Variants in CNKSR2 observed in about 807,000 individuals in gnomAD.
CNKSR2 encodes the protein CNK homolog protein 2.
A neutral mutation model predicts 84.4 loss-of-function variants in CNKSR2; 14 were observed. The observed-to-expected ratio is 0.17, with a 90% confidence interval of 0.11 to 0.26. The LOEUF is 0.26. Ranked by LOEUF, CNKSR2 falls within the 10% of genes least tolerant of loss-of-function variation. The pLI is 1.00. For synonymous variants in CNKSR2, 275 were observed against 277.9 expected, an observed-to-expected ratio of 0.99 and a Z score of 0.10; for missense variants, 485 against 771.2, an observed-to-expected ratio of 0.63 and a Z score of 4.40.
At chrX:21,535,524 AT>A (rs1021972268) in intron 11 of CNKSR2, among the ~76,000 whole-genome samples, 3 of 110,856 alleles carry the variant, frequency 2.7e-5, no homozygotes, top group African/African-American at 9.8e-5. Context: ...ATGTCTTTCC[AT>A]TTTTTGTGTT....
chrX:21,465,232 T>G (rs1339377918), intron 4 of CNKSR2, among the ~76,000 whole-genome samples: 2 of 111,736 alleles, frequency 1.8e-5, no homozygotes, highest in Non-Finnish European at 3.8e-5. Context: ...TTTTCTCCCC[T>G]CCTACTTAAT....
At chrX:21,400,500 A>G (rs1414197606) in intron 1 of CNKSR2, among the ~76,000 whole-genome samples, 2 of 111,575 alleles carry the variant, frequency 1.8e-5, no homozygotes, top group Non-Finnish European at 3.8e-5. Context: ...ACATGGGCAC[A>G]ATAAATATTT....
chrX:21,409,517 A>T (rs2090313987), intron 1 of CNKSR2, among the ~76,000 whole-genome samples: 1 of 109,143 alleles, frequency 9.2e-6, no homozygotes, highest in Non-Finnish European at 1.9e-5. Flanking sequence ...CACTTCCTTA[A>T]TGAACATTGA....
In CNKSR2 at chrX:21,652,617, A is replaced by G. The variant is rs1302791141; in HGVS notation, c.*96A>G. 6.4e-6 allele frequency: 4 copies of G among 628,652 alleles called. No individual in the cohort carries two copies. The highest frequency in any genetic ancestry group is 1.0e-5 in the Non-Finnish European group (4 of 397,913). The allele number at this position is 628,652 out of a possible 1,213,427, so 51.8% of individuals were successfully genotyped here. On this transcript the variant is annotated 3_prime_UTR_variant, in exon 22 of 22. Coordinates refer to ENST00000379510, the MANE Select transcript of CNKSR2 (RefSeq NM_014927.5). ...CAATGTGTGGAACACTTGACAAGCT[A>G]TACTTTAATGTTACCAAACTATATG...
At chrX:21,518,270 C>T (rs1483255832) in intron 9 of CNKSR2, among the ~76,000 whole-genome samples, 2 of 110,826 alleles carry the variant, frequency 1.8e-5, no homozygotes, top group East Asian at 5.7e-4. Context: ...CCTAAAGATC[C>T]TTCTTCAAAG....
intron 20 of CNKSR2, among the ~76,000 whole-genome samples, chrX:21,615,982 A>G (rs2092575077): frequency 9.0e-6 from 1 of 111,662 alleles, no homozygotes; most frequent in African/African-American, 3.3e-5. Context: ...TTGACTTTGG[A>G]CATTTGGGAA....
chrX:21,527,227 A>G, intron 10 of CNKSR2, among the ~76,000 whole-genome samples: 1 of 110,634 alleles, frequency 9.0e-6, no homozygotes, highest in Middle Eastern at 4.7e-3. Context: ...AATTTATACT[A>G]TCTCATAATA....
intron 13 of CNKSR2, among the ~76,000 whole-genome samples, chrX:21,583,876 C>T (rs748321228): frequency 6.3e-5 from 7 of 111,663 alleles, no homozygotes; most frequent in Admixed American, 4.7e-4. Flanking sequence ...GAATGAAAGA[C>T]AAATGGTCTT....
chrX:21,653,957 C>A lies in CNKSR2; in HGVS notation c.*1436C>A, dbSNP rs1414684928. 9.0e-6 allele frequency: 1 copy of A among 111,175 alleles called. No homozygotes were observed. Among genetic ancestry groups the A allele is most frequent in the Non-Finnish European group, 1.9e-5 (1 of 53,014 alleles). 9.2% of individuals were successfully genotyped at this position (111,175 alleles called of 1,213,427 possible). A position where few individuals can be genotyped will look rare whatever the true frequency, so the allele number is the denominator to read the frequency against. ...TCATCTTTAAGAGTTCAGATATATGCCAGTGAATATTTTTGCTGTAGAGGA... is the reference window on the plus strand; with the variant it reads ...TCATCTTTAAGAGTTCAGATATATGACAGTGAATATTTTTGCTGTAGAGGA... On this transcript the variant is annotated 3_prime_UTR_variant, in exon 22 of 22. Transcript: ENST00000379510.
rs193274384 is a variant in CNKSR2 at position 21,477,855 on chromosome X, A to G, written c.561+7048A>G. 3.5e-3 allele frequency among the ~76,000 whole-genome samples: 390 copies of G among 112,089 alleles called. 1 individual carries two copies. The highest frequency in any genetic ancestry group is 5.7e-3 in the Non-Finnish European group (303 of 53,179). On this transcript the variant is annotated intron_variant, in intron 5 of 21. Coordinates refer to ENST00000379510, the MANE Select transcript of CNKSR2 (RefSeq NM_014927.5). Reference sequence around the variant, plus strand: ...TATCTTTAGAGATTTCTTGAAAACAATGGTACTCTAGTGACTTAAAAATCC... The same window carrying G: ...TATCTTTAGAGATTTCTTGAAAACAGTGGTACTCTAGTGACTTAAAAATCC...
intron 13 of CNKSR2, among the ~76,000 whole-genome samples, chrX:21,587,777 T>C (rs1278051717): frequency 9.0e-6 from 1 of 111,590 alleles, no homozygotes; most frequent in Non-Finnish European, 1.9e-5. Context: ...CAGTTTCTAA[T>C]ATAAGTTTGT....
rs768749839 is a variant in CNKSR2 at position 21,532,087 on chromosome X, G to A, written c.1303+20G>A. ...CTTATGGTAAGAGTTCTTCTTTTATGTTTATATAAGACTATATTTCTGGCA... is the reference window on the plus strand; with the variant it reads ...CTTATGGTAAGAGTTCTTCTTTTATATTTATATAAGACTATATTTCTGGCA... On this transcript the variant is annotated intron_variant, in intron 11 of 21. Coordinates refer to ENST00000379510, the MANE Select transcript of CNKSR2 (RefSeq NM_014927.5). 4 of 1,074,686 alleles carry A rather than the reference G, an allele frequency of 3.7e-6. No individual in the cohort carries two copies. In the Admixed American group the frequency reaches 7.0e-5, roughly 19 times the overall value. The allele number at this position is 1,074,686 out of a possible 1,213,427, so 88.6% of individuals were successfully genotyped here. A position where few individuals can be genotyped will look rare whatever the true frequency, so the allele number is the denominator to read the frequency against.
chrX:21,635,839 T>G (rs1361512254), intron 20 of CNKSR2, among the ~76,000 whole-genome samples: 2 of 110,817 alleles, frequency 1.8e-5, no homozygotes, highest in Non-Finnish European at 3.8e-5. Flanking sequence ...TACCCTTATC[T>G]ATTATTTCAC....
intron 3 of CNKSR2, among the ~76,000 whole-genome samples, chrX:21,434,721 G>A (rs2090680668): frequency 9.1e-6 from 1 of 110,312 alleles, no homozygotes; most frequent in Admixed American, 9.8e-5. Flanking sequence ...GAGAAAACGT[G>A]TATCCACAGC....
At chrX:21,539,175 G>A (rs2091955223) in intron 11 of CNKSR2, among the ~76,000 whole-genome samples, 1 of 112,081 alleles carries the variant, frequency 8.9e-6, no homozygotes. Flanking sequence ...GTCATGTAGA[G>A]TTTCTTTATT....
rs145522248 is a variant in CNKSR2, at chrX:21,444,953, G to A, written c.519+4172G>A. ...ATTCAAGTTCAAGTAGTAAATACACGTAAAGATGTAAAATGGGGATATAAA... is the reference window on the plus strand; with the variant it reads ...ATTCAAGTTCAAGTAGTAAATACACATAAAGATGTAAAATGGGGATATAAA... On this transcript the variant is annotated intron_variant, in intron 4 of 21. Coordinates refer to ENST00000379510, the MANE Select transcript of CNKSR2 (RefSeq NM_014927.5). 7.7e-3 allele frequency among the ~76,000 whole-genome samples: 855 copies of A among 111,157 alleles called. 8 individuals are homozygous for A. Among genetic ancestry groups the A allele is most frequent in the South Asian group, 0.027 (71 of 2,642 alleles).
chrX:21,450,597 G>A (rs1008224243), intron 4 of CNKSR2, among the ~76,000 whole-genome samples: 3 of 111,550 alleles, frequency 2.7e-5, no homozygotes, highest in African/African-American at 9.8e-5. Context: ...TTGAATTAAA[G>A]AATTAATGTT....
chrX:21,498,432 C>T (rs2091524737), intron 7 of CNKSR2, among the ~76,000 whole-genome samples: 2 of 111,703 alleles, frequency 1.8e-5, no homozygotes, highest in Non-Finnish European at 3.8e-5. Context: ...GAATCTGAGG[C>T]ATATTTGCGA....
rs898439444 is a variant in CNKSR2 at position 21,654,003 on chromosome X, G to A, written c.*1482G>A. The stretch of plus-strand genomic sequence containing the variant: ...GAGGAGAAAGTAAAAACTCCACAGC[G>A]GGGATCTTTTTCTTTGCTTTTGAAA... On this transcript the variant is annotated 3_prime_UTR_variant, in exon 22 of 22. Coordinates refer to ENST00000379510, the MANE Select transcript of CNKSR2 (RefSeq NM_014927.5). 2 of 110,935 alleles carry A rather than the reference G, an allele frequency of 1.8e-5. No individual in the cohort carries two copies. The highest frequency in any genetic ancestry group is 2.8e-4 in the East Asian group (1 of 3,532). The allele number at this position is 110,935 out of a possible 1,213,427, so 9.1% of individuals were successfully genotyped here. A position where few individuals can be genotyped will look rare whatever the true frequency, so the allele number is the denominator to read the frequency against.
Sources: gnomAD v4.1 joint callset for allele counts (sites outside exome capture counted in the v4.1 genomes callset) on GRCh38, gnomAD v4.1.1 for gene constraint, MANE v1.5 for transcripts, NCBI Gene and HGNC (gene_info 2026-07-23, HGNC 2026-07-21) for gene names.